Variants in THSD7B observed in about 807,000 individuals in gnomAD.
THSD7B encodes the protein thrombospondin type 1 domain containing 7B.
THSD7B carries 138 observed loss-of-function variants against 213.6 expected under a neutral mutation model. The observed-to-expected ratio is 0.65, with a 90% CI of 0.56 to 0.74. The LOEUF is 0.74. Ranked by LOEUF, THSD7B falls within the 30% of genes least tolerant of loss-of-function variation. THSD7B has a pLI of 0.00. For synonymous variants in THSD7B, 742 were observed against 687.0 expected, an observed-to-expected ratio of 1.08 and a Z score of -1.25; for missense variants, 1,931 against 1,991.5, an observed-to-expected ratio of 0.97 and a Z score of 0.58.
intron 1 of THSD7B, among the ~76,000 whole-genome samples, chr2:136,874,415 A>G (rs1683491670): frequency 6.6e-6 from 1 of 152,198 alleles, no homozygotes; most frequent in Non-Finnish European, 1.5e-5. Flanking sequence ...CAGTCAGACA[A>G]TAGCCCCGTT....
At chr2:137,271,172 C>T (rs75224816) in intron 10 of THSD7B, among the ~76,000 whole-genome samples, 3,915 of 151,336 alleles carry the variant, frequency 0.026, 99 homozygotes, top group Middle Eastern at 0.093. Flanking sequence ...TTCTCCTACA[C>T]TGTCTTTTCT....
intron 1 of THSD7B, among the ~76,000 whole-genome samples, chr2:136,835,115 C>G (rs375130078): frequency 1.4e-4 from 22 of 152,310 alleles, no homozygotes; most frequent in African/African-American, 5.3e-4. Flanking sequence ...ACTGGGGCAT[C>G]TTCTAATTAT....
intron 1 of THSD7B, among the ~76,000 whole-genome samples, chr2:136,878,881 G>A (rs200683026): frequency 7.2e-5 from 11 of 152,074 alleles, no homozygotes; most frequent in Non-Finnish European, 1.5e-4. Flanking sequence ...GTTTGCTCTG[G>A]TGGTAGTTTC....
intron 13 of THSD7B, among the ~76,000 whole-genome samples, chr2:137,410,642 G>C (rs1346837004): frequency 1.3e-5 from 2 of 152,082 alleles, no homozygotes; most frequent in African/African-American, 2.4e-5. Flanking sequence ...AGCAACTCTA[G>C]AATTGTATGT....
intron 2 of THSD7B, among the ~76,000 whole-genome samples, chr2:136,986,029 GA>G (rs1405417777): frequency 1.3e-5 from 2 of 152,130 alleles, no homozygotes; most frequent in African/African-American, 4.8e-5. Context: ...TCTCCTTTTT[GA>G]AATGAAAATG....
At chr2:136,931,499 G>A (rs560628) in intron 2 of THSD7B, among the ~76,000 whole-genome samples, 63,097 of 152,032 alleles carry the variant, frequency 0.42, 15,057 homozygotes, top group Non-Finnish European at 0.55. Context: ...GCTAATGCTA[G>A]TTATATTGTG....
chr2:137,123,918 C>T lies in THSD7B; in HGVS notation c.1369+8625C>T, dbSNP rs73958366. Among the ~76,000 whole-genome samples the T allele has an allele frequency of 4.3e-3, 648 of 152,228 alleles. 3 individuals are homozygous for T. Among genetic ancestry groups the T allele is most frequent in the African/African-American group, 0.015 (621 of 41,528 alleles). On this transcript the variant is annotated intron_variant, in intron 5 of 27. Transcript: ENST00000409968. ...TTAGTAATTGTGATAGACTTCGCAA[C>T]GGTTAGCACATTGCCTGGCAAAAGG... is the stretch of plus-strand genomic sequence containing the variant.
chr2:136,794,024 A>C (rs1039265988), intron 1 of THSD7B, among the ~76,000 whole-genome samples: 2 of 151,374 alleles, frequency 1.3e-5, no homozygotes, highest in Non-Finnish European at 3.0e-5. Flanking sequence ...TATTGCTATA[A>C]ATTTGTTCAT....
At chr2:137,423,607 CTTTA>C (rs973809423) in intron 14 of THSD7B, among the ~76,000 whole-genome samples, 5 of 152,016 alleles carry the variant, frequency 3.3e-5, no homozygotes, top group African/African-American at 1.2e-4. Flanking sequence ...ACTCTGAAAA[CTTTA>C]TTTATTATAC....
At chr2:137,417,271 TA>T (rs1196732135) in intron 14 of THSD7B, among the ~76,000 whole-genome samples, 1 of 152,220 alleles carries the variant, frequency 6.6e-6, no homozygotes, top group Non-Finnish European at 1.5e-5. Flanking sequence ...TATTGAATTT[TA>T]AATAATTGAA....
intron 14 of THSD7B, among the ~76,000 whole-genome samples, chr2:137,432,734 G>T (rs1348780707): frequency 6.6e-6 from 1 of 152,104 alleles, no homozygotes; most frequent in Non-Finnish European, 1.5e-5. Flanking sequence ...TTCTTTGCCT[G>T]TGTTCCTTCC....
At chr2:137,517,455 C>A (rs1424770024) in intron 15 of THSD7B, among the ~76,000 whole-genome samples, 1 of 152,176 alleles carries the variant, frequency 6.6e-6, no homozygotes, top group African/African-American at 2.4e-5. Flanking sequence ...TGGTGTGAGG[C>A]CTGTTGAGAT....
intron 3 of THSD7B, among the ~76,000 whole-genome samples, chr2:137,086,318 C>T (rs1687841044): frequency 6.6e-6 from 1 of 151,860 alleles, no homozygotes. Context: ...GCCTGGGCAA[C>T]AGAGCAAGAC....
chr2:136,959,105 A>G (rs1177093436), intron 2 of THSD7B, among the ~76,000 whole-genome samples: 1 of 152,228 alleles, frequency 6.6e-6, no homozygotes, highest in East Asian at 1.9e-4. Flanking sequence ...ACAAAGTCCC[A>G]AGGAAACTTT....
intron 7 of THSD7B, among the ~76,000 whole-genome samples, chr2:137,196,744 G>A (rs1417518132): frequency 6.6e-6 from 1 of 152,048 alleles, no homozygotes. Context: ...TGTGTATCTG[G>A]TGTAAAAGAA....
intron 3 of THSD7B, among the ~76,000 whole-genome samples, chr2:137,064,510 G>C (rs529521020): frequency 6.6e-6 from 1 of 151,984 alleles, no homozygotes; most frequent in South Asian, 2.1e-4. Context: ...TTTTTAACTT[G>C]ATGTGATATA....
intron 15 of THSD7B, chr2:137,452,016 T>C (rs1687661554): frequency 1.1e-6 from 1 of 930,936 alleles, no homozygotes; most frequent in Non-Finnish European, 1.3e-6. Flanking sequence ...CCTTTCTTAA[T>C]TATAATAGCA....
In THSD7B at chr2:137,038,063, A is replaced by T. The variant is rs1686810172; in HGVS notation, c.140-18357A>T. 2.0e-5 allele frequency among the ~76,000 whole-genome samples: 3 copies of T among 152,254 alleles called. No homozygotes were observed. The South Asian group carries it at 6.2e-4, about 31-fold the overall frequency. ...TATTTACCTTGTAAAATTTTAACAT[A>T]GGATAGAACTCTAATCCATAGTTTT... On this transcript the variant is annotated intron_variant, in intron 2 of 27. Transcript: ENST00000409968.
chr2:137,457,802 C>A (rs1475042385), intron 15 of THSD7B, among the ~76,000 whole-genome samples: 1 of 151,956 alleles, frequency 6.6e-6, no homozygotes, highest in Non-Finnish European at 1.5e-5. Flanking sequence ...CTAAATGTAC[C>A]AGAGGACTTT....
Sources: allele counts gnomAD v4.1 joint callset (sites outside exome capture counted in the v4.1 genomes callset), GRCh38; gene constraint gnomAD v4.1.1; transcripts MANE v1.5; gene names NCBI Gene and HGNC (gene_info 2026-07-23, HGNC 2026-07-21).